Variants in TENT5D observed in about 807,000 individuals in gnomAD.
The protein encoded by TENT5D is cancer/testis antigen 112.
For synonymous variants in TENT5D, 103 were observed against 100.6 expected, an observed-to-expected ratio of 1.02 and a Z score of -0.15; for missense variants, 191 against 287.0, an observed-to-expected ratio of 0.67 and a Z score of 2.42.
intron 3 of TENT5D, among the ~76,000 whole-genome samples, chrX:80,355,697 G>A (rs1930269489): frequency 8.9e-6 from 1 of 111,770 alleles, no homozygotes; most frequent in Admixed American, 9.5e-5. Context: ...GGCCAGGAAT[G>A]ATTCCTGTTG....
At chrX:80,388,774 C>T (rs1224811684) in intron 3 of TENT5D, among the ~76,000 whole-genome samples, 1 of 111,843 alleles carries the variant, frequency 8.9e-6, no homozygotes. Flanking sequence ...CCTCAACCCC[C>T]AAATCCACTG....
At chrX:80,396,116 C>A (rs911276316) in intron 3 of TENT5D, among the ~76,000 whole-genome samples, 1 of 110,283 alleles carries the variant, frequency 9.1e-6, no homozygotes, top group African/African-American at 3.3e-5. Flanking sequence ...AGGTTGATAC[C>A]ATATCTTGGC....
intron 1 of TENT5D, among the ~76,000 whole-genome samples, chrX:80,430,917 A>G (rs1265958355): frequency 9.0e-6 from 1 of 110,893 alleles, no homozygotes; most frequent in African/African-American, 3.3e-5. Context: ...CACTTGGCCC[A>G]TAGGGCTCCC....
At chrX:80,399,568 G>A (rs1931352835) in intron 3 of TENT5D, among the ~76,000 whole-genome samples, 1 of 111,704 alleles carries the variant, frequency 9.0e-6, no homozygotes, top group Non-Finnish European at 1.9e-5. Flanking sequence ...AATACTGAAT[G>A]TTGAAATCCT....
upstream of TENT5D, among the ~76,000 whole-genome samples, chrX:80,418,151 T>A (rs1285855477): frequency 9.0e-6 from 1 of 110,687 alleles, no homozygotes; most frequent in East Asian, 2.9e-4. Flanking sequence ...AAAAGGGATC[T>A]TTAATGATTT....
chrX:80,395,052 T>C (rs1931215342), intron 3 of TENT5D, among the ~76,000 whole-genome samples: 1 of 111,819 alleles, frequency 8.9e-6, no homozygotes. Context: ...CTCTGGCAAA[T>C]ACTTGTATTT....
exon 2 of TENT5D, chrX:80,438,719 G>C: frequency 9.1e-6 from 1 of 110,323 alleles, no homozygotes; most frequent in Middle Eastern, 4.7e-3. Context: ...ATTCTTGAAA[G>C]CAATCCTTTC....
At chrX:80,394,541 G>A (rs149451395) in intron 3 of TENT5D, among the ~76,000 whole-genome samples, 2,301 of 107,085 alleles carry the variant, frequency 0.021, 34 homozygotes, top group Non-Finnish European at 0.023. Context: ...ACAGACATGC[G>A]CCACCACGCC....
chrX:80,343,332 T>C (rs912457768), intron 3 of TENT5D, among the ~76,000 whole-genome samples: 29 of 111,125 alleles, frequency 2.6e-4, no homozygotes, highest in African/African-American at 8.8e-4. Flanking sequence ...TATTTTAATA[T>C]GTGTGCCTTA....
intron 3 of TENT5D, among the ~76,000 whole-genome samples, chrX:80,352,018 A>C (rs895411662): frequency 9.0e-6 from 1 of 111,713 alleles, no homozygotes; most frequent in Non-Finnish European, 1.9e-5. Flanking sequence ...TTTCTCTGGA[A>C]GCTTCGTCCC....
rs1423282744 is a variant in TENT5D at position 80,362,677 on chromosome X, C to T, written c.-142+20113C>T. Among the ~76,000 whole-genome samples the T allele has an allele frequency of 5.4e-5, 6 of 111,036 alleles. No homozygotes were observed. In the Admixed American group the frequency reaches 5.8e-4, roughly 11 times the overall value. On this transcript the variant is annotated intron_variant, in intron 3 of 4. Transcript: ENST00000538312. ...ACTGATCCAATTTTTCCTAAAATTC[C>T]TACCCTAAAGACTTAGCATAATAAT...
chrX:80,349,469 A>T (rs1282283888), intron 3 of TENT5D, among the ~76,000 whole-genome samples: 2 of 110,904 alleles, frequency 1.8e-5, no homozygotes, highest in East Asian at 5.6e-4. Context: ...GTATTATCTG[A>T]TGGTAGTTTG....
intron 3 of TENT5D, among the ~76,000 whole-genome samples, chrX:80,358,630 G>A (rs1020371464): frequency 1.8e-5 from 2 of 111,218 alleles, no homozygotes; most frequent in Admixed American, 9.6e-5. Flanking sequence ...TAATATCATC[G>A]TACAAATGTC....
chrX:80,351,499 A>C (rs191124181), intron 3 of TENT5D, among the ~76,000 whole-genome samples: 45 of 108,532 alleles, frequency 4.1e-4, no homozygotes, highest in African/African-American at 1.3e-3. Flanking sequence ...CAGCTCCATC[A>C]GATCATTTAT....
rs1217589104 is a variant in TENT5D, at chrX:80,410,144, A to C, written c.-141-28466A>C. On this transcript the variant is annotated intron_variant, in intron 3 of 4. Coordinates refer to the TENT5D transcript ENST00000538312. ...AGACCTAAAACCATAAAAACCCTAG[A>C]AGAAAACCTAGGCATCACCATTCAG... is the stretch of plus-strand genomic sequence containing the variant. Among the ~76,000 whole-genome samples the C allele has an allele frequency of 2.1e-4, 23 of 107,774 alleles. 1 individual carries two copies. The East Asian group carries it at 4.1e-3, about 19-fold the overall frequency. The allele number at this position is 107,774 out of a possible 115,157, so 93.6% of individuals were successfully genotyped here. A position where few individuals can be genotyped will look rare whatever the true frequency, so the allele number is the denominator to read the frequency against.
At chrX:80,418,381 G>T (rs1262614911), upstream of TENT5D, among the ~76,000 whole-genome samples, 1 of 110,754 alleles carries the variant, frequency 9.0e-6, no homozygotes, top group Non-Finnish European at 1.9e-5. Flanking sequence ...CAAACTCCTG[G>T]CCTCAACAGA....
At chrX:80,413,877 A>G (rs1356434950) in intron 3 of TENT5D, among the ~76,000 whole-genome samples, 1 of 112,742 alleles carries the variant, frequency 8.9e-6, no homozygotes, top group African/African-American at 3.2e-5. Context: ...CAACAAAAAC[A>G]GAAACAAGCA....
intron 3 of TENT5D, among the ~76,000 whole-genome samples, chrX:80,345,858 C>A (rs185005256): frequency 2.7e-5 from 3 of 111,516 alleles, no homozygotes; most frequent in Admixed American, 1.9e-4. Flanking sequence ...TTTGCCCTTG[C>A]TCTAATTCTC....
intron 3 of TENT5D, among the ~76,000 whole-genome samples, chrX:80,401,706 T>C (rs1331704657): frequency 8.9e-6 from 1 of 112,337 alleles, no homozygotes; most frequent in African/African-American, 3.2e-5. Context: ...ATATCTCACA[T>C]ATATTAATGT....
Sources: allele counts gnomAD v4.1 joint callset (sites outside exome capture counted in the v4.1 genomes callset), GRCh38; gene constraint gnomAD v4.1.1; transcripts MANE v1.5; gene names NCBI Gene and HGNC (gene_info 2026-07-23, HGNC 2026-07-21).